The following WWP2 variants were observed in gnomAD, a reference collection of about 807,000 sequenced individuals.
WWP2 encodes the protein WW domain containing E3 ubiquitin protein ligase 2.
WWP2 carries 57 observed loss-of-function variants against 121.0 expected under a neutral mutation model. The ratio of observed to expected loss-of-function variants is 0.47; its 90% CI spans 0.38 to 0.59. The LOEUF is 0.59. Among genes scored for constraint, WWP2 ranks in the 20% least tolerant of loss-of-function variants. The pLI, the probability that WWP2 is intolerant of heterozygous loss-of-function variation, is 0.00. For missense variants in WWP2, 962 were observed against 1,158.9 expected, an observed-to-expected ratio of 0.83 and a Z score of 2.47; for synonymous variants, 449 against 441.3, an observed-to-expected ratio of 1.02 and a Z score of -0.22.
In WWP2 at chr16:69,913,628, A is replaced by G. The variant is rs539872702; in HGVS notation, c.1005-4081A>G. Among the ~76,000 whole-genome samples, 46 of 152,304 alleles carry G rather than the reference A, an allele frequency of 3.0e-4. 1 individual carries two copies. The Middle Eastern group carries it at 0.01, about 34-fold the overall frequency. On this transcript the variant is annotated intron_variant, in intron 9 of 23. Transcript: ENST00000359154. ...CAGCTTTGGAAAGGAAAACCAGATT[A>G]TAATTGATATCCTCAAAGATTTGGG...
At chr16:69,801,624 T>A (rs1247826758) in intron 4 of WWP2, among the ~76,000 whole-genome samples, 1 of 152,078 alleles carries the variant, frequency 6.6e-6, no homozygotes, top group Non-Finnish European at 1.5e-5. Context: ...CACAGCTCAC[T>A]GTAGCCTCAA....
chr16:69,834,232 C>T (rs1461260161), intron 4 of WWP2, among the ~76,000 whole-genome samples: 1 of 152,206 alleles, frequency 6.6e-6, no homozygotes, highest in African/African-American at 2.4e-5. Context: ...TCTTCCCTCG[C>T]TCCACTCCAG....
chr16:69,924,221 G>T (rs796145390), intron 10 of WWP2, among the ~76,000 whole-genome samples: 13 of 152,316 alleles, frequency 8.5e-5, no homozygotes, highest in African/African-American at 2.9e-4. Context: ...TTTCAGCTGG[G>T]GGTGGAGGGA....
intron 6 of WWP2, among the ~76,000 whole-genome samples, chr16:69,861,035 C>A (rs1192124922): frequency 2.0e-5 from 3 of 152,194 alleles, no homozygotes; most frequent in African/African-American, 7.2e-5. Flanking sequence ...TTGTGCTCTG[C>A]ATTCCTTGGG....
At chr16:69,851,746 C>T (rs936892457) in intron 6 of WWP2, among the ~76,000 whole-genome samples, 5 of 152,008 alleles carry the variant, frequency 3.3e-5, no homozygotes, top group African/African-American at 9.7e-5. Context: ...TGTGGGAGGC[C>T]GAGGCAGGCA....
chr16:69,763,330 A>C (rs745714616), intron 1 of WWP2, among the ~76,000 whole-genome samples: 1 of 152,200 alleles, frequency 6.6e-6, no homozygotes, highest in Non-Finnish European at 1.5e-5. Context: ...TATGTTCCTT[A>C]GAACTGTGAC....
intron 1 of WWP2, among the ~76,000 whole-genome samples, chr16:69,764,138 T>G: frequency 1.3e-5 from 2 of 152,244 alleles, no homozygotes; most frequent in East Asian, 3.8e-4. Context: ...GAGTAGGGAC[T>G]CAAGCCCAGA....
intron 6 of WWP2, among the ~76,000 whole-genome samples, chr16:69,862,470 C>G (rs930789391): frequency 6.0e-5 from 9 of 148,842 alleles, no homozygotes; most frequent in African/African-American, 2.2e-4. Context: ...AGGCTGGTCT[C>G]GAACTCCTGA....
At chr16:69,927,237 G>A (rs73576152) in intron 11 of WWP2, among the ~76,000 whole-genome samples, 13,474 of 151,962 alleles carry the variant, frequency 0.089, 1,990 homozygotes, top group African/African-American at 0.31. Flanking sequence ...GGCTGGGGCC[G>A]GCTCCCCAGG....
chr16:69,929,369 A>G (rs1460778364), intron 11 of WWP2, 79 bp from the exon 12 acceptor site: 1 of 1,345,684 alleles, frequency 7.4e-7, no homozygotes, highest in Non-Finnish European at 1.1e-6. Flanking sequence ...CCCAGCACCC[A>G]GGAGGTGGGA....
chr16:69,892,633 A>G (rs1186886870), intron 8 of WWP2, among the ~76,000 whole-genome samples: 1 of 152,180 alleles, frequency 6.6e-6, no homozygotes, highest in African/African-American at 2.4e-5. Context: ...TCACGGGCTC[A>G]AGTGATCCTC....
chr16:69,872,709 C>G (rs902720108), intron 7 of WWP2, among the ~76,000 whole-genome samples: 1 of 152,212 alleles, frequency 6.6e-6, no homozygotes, highest in South Asian at 2.1e-4. Flanking sequence ...GGGGCAGAGC[C>G]AGGTAACTAC....
intron 6 of WWP2, among the ~76,000 whole-genome samples, chr16:69,847,099 A>G (rs2057095814): frequency 1.3e-5 from 2 of 151,512 alleles, no homozygotes; most frequent in South Asian, 4.2e-4. Flanking sequence ...TTATTTTTAA[A>G]TTTGAGATGG....
In WWP2 at chr16:69,912,369, T is replaced by TCACACA. The variant is rs3051446; in HGVS notation, c.1004+3556_1004+3561dup. The stretch of plus-strand genomic sequence containing the variant: ...TGGAAGTTTGTGCAGGGAGTTAGAT[T>TCACACA]CACACACACACACACACACACACAC... On this transcript the variant is annotated intron_variant, in intron 9 of 23. Transcript: ENST00000359154. Among the ~76,000 whole-genome samples the TCACACA allele has an allele frequency of 3.7e-3, 516 of 140,286 alleles. 3 individuals carry two copies. Among genetic ancestry groups the TCACACA allele is most frequent in the Admixed American group, 4.9e-3 (69 of 13,942 alleles). The allele number at this position is 140,286 out of a possible 152,430, so 92.0% of individuals were successfully genotyped here.
intron 2 of WWP2, among the ~76,000 whole-genome samples, chr16:69,794,173 C>T (rs776308428): frequency 6.6e-6 from 1 of 152,112 alleles, no homozygotes; most frequent in African/African-American, 2.4e-5. Flanking sequence ...CTCCCTTAGC[C>T]TCCCAAAGTG....
At chr16:69,847,697 C>T (rs530134061) in intron 6 of WWP2, among the ~76,000 whole-genome samples, 5 of 152,138 alleles carry the variant, frequency 3.3e-5, no homozygotes, top group African/African-American at 4.8e-5. Flanking sequence ...TGTGAGCCAC[C>T]GCGCCTGGCC....
At chr16:69,895,077 C>G (rs1178213530) in intron 8 of WWP2, 1 of 152,256 alleles carries the variant, frequency 6.6e-6, no homozygotes, top group African/African-American at 2.4e-5. Flanking sequence ...CCTCTACCCC[C>G]CTGCCCAATT....
chr16:69,896,320 T>C (rs953677855), intron 8 of WWP2, among the ~76,000 whole-genome samples: 2 of 152,178 alleles, frequency 1.3e-5, no homozygotes, highest in African/African-American at 4.8e-5. Flanking sequence ...GGTCTTGCTA[T>C]GTTACCCAGG....
chr16:69,794,670 G>A (rs568609510), intron 2 of WWP2, among the ~76,000 whole-genome samples: 2 of 152,350 alleles, frequency 1.3e-5, no homozygotes, highest in South Asian at 4.1e-4. Flanking sequence ...TGCAAAGGCA[G>A]TTTCACAATT....
Sources: gnomAD v4.1 joint callset for allele counts (sites outside exome capture counted in the v4.1 genomes callset) on GRCh38, gnomAD v4.1.1 for gene constraint, MANE v1.5 for transcripts, NCBI Gene and HGNC (gene_info 2026-07-23, HGNC 2026-07-21) for gene names.